Variants in GRIN2B observed in about 807,000 individuals in gnomAD.
GRIN2B encodes glutamate ionotropic receptor NMDA type subunit 2B, also known as glutamate receptor ionotropic, NMDA 2B.
In GRIN2B, 5 loss-of-function variants were observed where a neutral mutation model predicts 114.5. The ratio of observed to expected loss-of-function variants is 0.04; its 90% CI spans 0.02 to 0.09. GRIN2B has a LOEUF of 0.09. GRIN2B is among the 10% of genes least tolerant of loss of function. The pLI, the probability that GRIN2B is intolerant of heterozygous loss-of-function variation, is 1.00. For synonymous variants in GRIN2B, 787 were observed against 745.1 expected, an observed-to-expected ratio of 1.06 and a Z score of -0.92; for missense variants, 1,108 against 1,943.5, an observed-to-expected ratio of 0.57 and a Z score of 8.08.
At chr12:13,764,978 A>G (rs1010522589) in intron 3 of GRIN2B, among the ~76,000 whole-genome samples, 1 of 152,238 alleles carries the variant, frequency 6.6e-6, no homozygotes, top group Non-Finnish European at 1.5e-5. Flanking sequence ...CCAGACAAGT[A>G]TGAGTGCAAC....
intron 4 of GRIN2B, among the ~76,000 whole-genome samples, chr12:13,710,113 GCAA>G (rs1950399908): frequency 6.6e-6 from 1 of 151,964 alleles, no homozygotes; most frequent in African/African-American, 2.4e-5. Context: ...GTTGATAAAT[GCAA>G]CAACATGAGT....
At chr12:13,789,554 G>T (rs114760885) in intron 3 of GRIN2B, among the ~76,000 whole-genome samples, 1 of 151,976 alleles carries the variant, frequency 6.6e-6, no homozygotes, top group Non-Finnish European at 1.5e-5. Flanking sequence ...TTTTTTAGTC[G>T]CTCTGAATAT....
chr12:13,696,097 T>G (rs935812922), intron 4 of GRIN2B, among the ~76,000 whole-genome samples: 2 of 152,116 alleles, frequency 1.3e-5, no homozygotes, highest in Non-Finnish European at 2.9e-5. Flanking sequence ...AGCTGACTGG[T>G]TCTTATTAAA....
intron 5 of GRIN2B, among the ~76,000 whole-genome samples, chr12:13,659,831 T>C (rs1239815278): frequency 6.6e-6 from 1 of 152,208 alleles, no homozygotes; most frequent in East Asian, 1.9e-4. Flanking sequence ...ATAAGCCCCT[T>C]TGTCTTATCA....
chr12:13,637,251 G>T (rs1805550), intron 5 of GRIN2B, among the ~76,000 whole-genome samples: 4,582 of 152,216 alleles, frequency 0.03, 247 homozygotes, highest in African/African-American at 0.11. Context: ...AGGCAGAGTT[G>T]CAGGGTAGTA....
chr12:13,773,095 C>T (rs1197784535), intron 3 of GRIN2B, among the ~76,000 whole-genome samples: 1 of 152,182 alleles, frequency 6.6e-6, no homozygotes, highest in Non-Finnish European at 1.5e-5. Flanking sequence ...ACAGTTAGAA[C>T]TGCAAAAGTG....
chr12:13,621,568 C>G (rs185225141), intron 5 of GRIN2B, among the ~76,000 whole-genome samples: 118 of 143,122 alleles, frequency 8.2e-4, no homozygotes, highest in African/African-American at 2.9e-3. Flanking sequence ...CTCTTGAGGA[C>G]CAAAATCATC....
intron 5 of GRIN2B, among the ~76,000 whole-genome samples, chr12:13,636,859 C>T (rs1172071420): frequency 6.6e-6 from 1 of 152,074 alleles, no homozygotes; most frequent in East Asian, 1.9e-4. Context: ...TTAATAATAC[C>T]TAAATCATAG....
At chr12:13,957,547 T>G (rs1867614208) in intron 2 of GRIN2B, among the ~76,000 whole-genome samples, 1 of 152,162 alleles carries the variant, frequency 6.6e-6, no homozygotes, top group South Asian at 2.1e-4. Context: ...CCCCAATCTC[T>G]GAGAAGCAGT....
chr12:13,690,616 T>C (rs980614285), intron 4 of GRIN2B, among the ~76,000 whole-genome samples: 3 of 152,142 alleles, frequency 2.0e-5, no homozygotes, highest in Non-Finnish European at 4.4e-5. Context: ...TAGATCTGCC[T>C]GTGAGGATCA....
intron 8 of GRIN2B, among the ~76,000 whole-genome samples, chr12:13,613,722 G>A (rs143893896): frequency 4.6e-5 from 7 of 152,208 alleles, no homozygotes; most frequent in East Asian, 3.9e-4. Context: ...GCTATAAAAT[G>A]GGTATAATAA....
chr12:13,588,053 A>C (rs1335088477), intron 10 of GRIN2B, among the ~76,000 whole-genome samples: 1 of 152,232 alleles, frequency 6.6e-6, no homozygotes, highest in African/African-American at 2.4e-5. Flanking sequence ...ACCTAGTGGG[A>C]AGTTACTCAC....
chr12:13,592,125 G>C (rs1342439968), intron 10 of GRIN2B, among the ~76,000 whole-genome samples: 1 of 152,184 alleles, frequency 6.6e-6, no homozygotes, highest in African/African-American at 2.4e-5. Flanking sequence ...AATGATTCTA[G>C]TGGAGGGTGA....
At position 13,825,496 on chromosome 12, in the gene GRIN2B, T is replaced by TTGTGCGTG. The variant is rs1555144020; in HGVS notation, c.411+40301_411+40302insCACGCACA. On this transcript the variant is annotated intron_variant, in intron 3 of 13. Coordinates refer to ENST00000609686, the MANE Select transcript of GRIN2B (RefSeq NM_000834.5). ...TATATATAATAAATATATATATATT[T>TTGTGCGTG]TGTGTGTGTGTGTGTGTGTGTGTGT... Among the ~76,000 whole-genome samples the TTGTGCGTG allele has an allele frequency of 4.9e-5, 6 of 122,994 alleles. No homozygotes were observed. In the Admixed American group the frequency reaches 5.5e-4, roughly 11 times the overall value. The allele number at this position is 122,994 out of a possible 152,430, so 80.7% of individuals were successfully genotyped here.
intron 5 of GRIN2B, 91 bp downstream of exon 5, chr12:13,675,654 C>A (rs1950066405): frequency 2.4e-6 from 2 of 822,650 alleles, no homozygotes; most frequent in South Asian, 1.4e-5. Flanking sequence ...GGTCTAGGGA[C>A]AAAAGCCAAA....
intron 2 of GRIN2B, among the ~76,000 whole-genome samples, chr12:13,967,018 T>C (rs1173977993): frequency 6.6e-6 from 1 of 152,104 alleles, no homozygotes; most frequent in Non-Finnish European, 1.5e-5. Context: ...GAGAAGACAG[T>C]AGCAGGGAAA....
intron 10 of GRIN2B, among the ~76,000 whole-genome samples, chr12:13,584,107 C>T (rs953435642): frequency 1.1e-4 from 16 of 152,152 alleles, no homozygotes; most frequent in Non-Finnish European, 1.6e-4. Flanking sequence ...CAGAGTCAGC[C>T]TCATCCCCAC....
Position 13,615,723 on chromosome 12 carries a change from C to T in GRIN2B, c.1329-59G>A, listed in dbSNP as rs1471624206. On this transcript the variant is annotated intron_variant, in intron 6 of 13. Transcript: ENST00000609686. The surrounding 1 kb of genome is among the most constrained non-coding windows in gnomAD (Gnocchi z 5.8). ...AAAAAGTCTTTGTACAAAAAGCCAA[C>T]ATTTATTACCCTTTGCCATTAAAAA... The T allele has an allele frequency of 1.4e-6, 2 of 1,428,258 alleles. No homozygotes were observed. Among genetic ancestry groups the T allele is most frequent in the South Asian group, 1.1e-5 (1 of 87,336 alleles). 88.5% of individuals were successfully genotyped at this position (1,428,258 alleles called of 1,614,324 possible). A position where few individuals can be genotyped will look rare whatever the true frequency, so the allele number is the denominator to read the frequency against.
chr12:13,967,418 T>C (rs1490806783), intron 2 of GRIN2B, among the ~76,000 whole-genome samples: 1 of 152,232 alleles, frequency 6.6e-6, no homozygotes, highest in Non-Finnish European at 1.5e-5. Flanking sequence ...CAAATCCTGG[T>C]TGTGCCATTT....
Sources: allele counts gnomAD v4.1 joint callset (sites outside exome capture counted in the v4.1 genomes callset), GRCh38; gene constraint gnomAD v4.1.1; non-coding constraint Gnocchi (gnomAD v3.1); transcripts MANE v1.5; gene names NCBI Gene and HGNC (gene_info 2026-07-23, HGNC 2026-07-21).